JAK2: variants seen among roughly 807,000 people sequenced by gnomAD.
The protein encoded by JAK2 is tyrosine-protein kinase JAK2.
Under a neutral mutation model 139.3 loss-of-function variants are expected in JAK2, and 86 were observed. That is an observed-to-expected ratio of 0.62 (90% CI 0.52 to 0.74). JAK2 has a LOEUF of 0.74. Ranked by LOEUF, JAK2 falls within the 30% of genes least tolerant of loss-of-function variation. The pLI is 0.00. For missense variants in JAK2, 1,421 were observed against 1,360.3 expected (o/e 1.04, Z -0.70); for synonymous variants, 490 against 437.7 (o/e 1.12, Z -1.49).
intron 2 of JAK2, among the ~76,000 whole-genome samples, chr9:5,009,821 A>G (rs1447414690): frequency 6.6e-6 from 1 of 151,216 alleles, no homozygotes; most frequent in Non-Finnish European, 1.5e-5. Flanking sequence ...CCCAGGCTGG[A>G]GTGAAGTGGT....
Position 5,068,388 on chromosome 9 carries a change from A to G in JAK2, c.1327-634A>G, listed in dbSNP as rs116532929. 3.0e-3 allele frequency among the ~76,000 whole-genome samples: 457 copies of G among 152,346 alleles called. 1 individual carries two copies. The highest frequency in any genetic ancestry group is 0.011 in the African/African-American group (439 of 41,582). ...AATGTAATATTAAAGATAATTATAC[A>G]AATACAATGGTGGTGCAGTGGAATG... On this transcript the variant is annotated intron_variant, in intron 10 of 24. Transcript: ENST00000381652.
At chr9:5,061,642 T>C (rs1818178812) in intron 8 of JAK2, among the ~76,000 whole-genome samples, 1 of 152,238 alleles carries the variant, frequency 6.6e-6, no homozygotes, top group Non-Finnish European at 1.5e-5. Context: ...TTTGATCTTC[T>C]ATCTAGAACT....
At position 5,126,939 on chromosome 9, in the gene JAK2, T is replaced by G; in HGVS notation, c.*148T>G. The G allele has an allele frequency of 2.3e-6, 1 of 432,366 alleles. No homozygotes were observed. Among genetic ancestry groups the G allele is most frequent in the East Asian group, 3.7e-5 (1 of 26,718 alleles). The allele number at this position is 432,366 out of a possible 1,614,324, so 26.8% of individuals were successfully genotyped here. Reference sequence around the variant, plus strand: ...ATGTGAAAATATCTGCTCAAAACTTTCAAAGTTTAGTAAGTTTTTCTTCAT... The same window carrying G: ...ATGTGAAAATATCTGCTCAAAACTTGCAAAGTTTAGTAAGTTTTTCTTCAT... On this transcript the variant is annotated 3_prime_UTR_variant, in exon 25 of 25. Coordinates refer to ENST00000381652, the MANE Select transcript of JAK2 (RefSeq NM_004972.4).
intron 3 of JAK2, among the ~76,000 whole-genome samples, chr9:5,027,089 G>A (rs528510238): frequency 2.0e-5 from 3 of 152,130 alleles, no homozygotes. Context: ...CTCCAGTTCA[G>A]GGAAACTTGA....
chr9:5,103,396 T>A (rs1230113158), intron 22 of JAK2, among the ~76,000 whole-genome samples: 1 of 151,762 alleles, frequency 6.6e-6, no homozygotes, highest in Non-Finnish European at 1.5e-5. Flanking sequence ...AGGTACCCAA[T>A]ACAGCAGCAC....
At chr9:5,082,131 GAAAGA>G (rs5896106) in intron 19 of JAK2, among the ~76,000 whole-genome samples, 12,133 of 152,180 alleles carry the variant, frequency 0.08, 1,469 homozygotes, top group African/African-American at 0.27. Flanking sequence ...AAAGTATAGA[GAAAGA>G]AAAGTGGGCC....
At chr9:5,000,918 A>G (rs1414497533) in intron 2 of JAK2, among the ~76,000 whole-genome samples, 1 of 152,224 alleles carries the variant, frequency 6.6e-6, no homozygotes, top group African/African-American at 2.4e-5. Flanking sequence ...GTTTCTAGGA[A>G]TTGGCTAGCC....
At chr9:5,035,374 C>T (rs1481174337) in intron 4 of JAK2, among the ~76,000 whole-genome samples, 5 of 152,238 alleles carry the variant, frequency 3.3e-5, no homozygotes, top group African/African-American at 7.2e-5. Flanking sequence ...TCCTCCCTAA[C>T]TCATTTTATG....
intron 22 of JAK2, chr9:5,112,707 G>C (rs575070953): frequency 7.0e-6 from 6 of 858,452 alleles, no homozygotes; most frequent in Non-Finnish European, 1.0e-5. Context: ...CAGCAAGTGC[G>C]AGAGCGGAAC....
At chr9:5,073,622 A>T (rs545677910) in intron 13 of JAK2, 76 bp from the exon 14 acceptor site, 12 of 1,065,338 alleles carry the variant, frequency 1.1e-5, no homozygotes, top group South Asian at 6.5e-5. Context: ...CATCTTTATT[A>T]TGGCAGAGAG....
intron 2 of JAK2, among the ~76,000 whole-genome samples, chr9:4,996,568 G>A (rs575530940): frequency 6.6e-6 from 1 of 150,756 alleles, no homozygotes; most frequent in Non-Finnish European, 1.5e-5. Context: ...AGATTTTTTG[G>A]TTTTTTTGAG....
chr9:5,041,342 A>T (rs1816492755), intron 4 of JAK2: 4 of 658,832 alleles, frequency 6.1e-6, no homozygotes, highest in Non-Finnish European at 8.2e-6. Context: ...CTTGACAGGT[A>T]CGGCGTGCTA....
intron 22 of JAK2, among the ~76,000 whole-genome samples, chr9:5,093,413 G>A (rs542759631): frequency 3.3e-5 from 5 of 152,282 alleles, no homozygotes; most frequent in Non-Finnish European, 5.9e-5. Context: ...TAGGGACTTA[G>A]AAGAATGGCC....
chr9:5,036,581 T>C (rs1351208277), intron 4 of JAK2, among the ~76,000 whole-genome samples: 1 of 152,128 alleles, frequency 6.6e-6, no homozygotes, highest in Non-Finnish European at 1.5e-5. Context: ...ATCTGATCTT[T>C]GACAAACCTG....
intron 2 of JAK2, among the ~76,000 whole-genome samples, chr9:4,998,632 A>T (rs902389134): frequency 1.3e-5 from 2 of 151,914 alleles, no homozygotes; most frequent in African/African-American, 4.8e-5. Flanking sequence ...GTGTGTTGTG[A>T]ATTATAAATC....
Position 5,033,567 on chromosome 9 carries a change from G to T in JAK2, c.350+3661G>T, listed in dbSNP as rs536085552. 2.6e-5 allele frequency among the ~76,000 whole-genome samples: 4 copies of T among 152,340 alleles called. No homozygotes were observed. In the East Asian group the frequency reaches 7.7e-4, roughly 29 times the overall value. On this transcript the variant is annotated intron_variant, in intron 4 of 24. Coordinates refer to ENST00000381652, the MANE Select transcript of JAK2 (RefSeq NM_004972.4). ...TTGGCAGAAACTCTACAAGCCAGAA[G>T]AGAGTGGGGGCCAATATTCAACATT...
chr9:5,069,509 T>A (rs935838265), intron 11 of JAK2, among the ~76,000 whole-genome samples: 1 of 152,052 alleles, frequency 6.6e-6, no homozygotes, highest in Non-Finnish European at 1.5e-5. Flanking sequence ...TAAGTAAAAA[T>A]TTTCATATAC....
chr9:4,993,362 T>A (rs962748616), intron 2 of JAK2, among the ~76,000 whole-genome samples: 2 of 152,222 alleles, frequency 1.3e-5, no homozygotes, highest in Non-Finnish European at 2.9e-5. Flanking sequence ...CTTTGCTGGC[T>A]GAAAAGATTG....
At position 5,128,670 on chromosome 9, in the gene JAK2, T is replaced by C. The variant is rs982071793; in HGVS notation, c.*1879T>C. Among the ~76,000 whole-genome samples the C allele has an allele frequency of 2.6e-5, 4 of 151,968 alleles. No individual in the cohort carries two copies. The highest frequency in any genetic ancestry group is 9.6e-5 in the African/African-American group (4 of 41,452). Reference sequence around the variant, plus strand: ...AATCCCACATGTACATTCTTGTTTTTAGAATGGGGTGACTACCTTATTATA... The same window carrying C: ...AATCCCACATGTACATTCTTGTTTTCAGAATGGGGTGACTACCTTATTATA... On this transcript the variant is annotated 3_prime_UTR_variant, in exon 25 of 25. Transcript: ENST00000381652.
Sources: gnomAD v4.1 joint callset for allele counts (sites outside exome capture counted in the v4.1 genomes callset) on GRCh38, gnomAD v4.1.1 for gene constraint, MANE v1.5 for transcripts, NCBI Gene and HGNC (gene_info 2026-07-23, HGNC 2026-07-21) for gene names.